The following MYH16 variants were observed in gnomAD, a reference collection of about 807,000 sequenced individuals.
MYH16 encodes putative uncharacterized protein MYH16.
At chr7:99,287,533 CAAA>C (rs397889162) in intron 28 of MYH16, among the ~76,000 whole-genome samples, 2 of 46,876 alleles carry the variant, frequency 4.3e-5, no homozygotes, top group Non-Finnish European at 9.4e-5. Flanking sequence ...AACTTCTTCT[CAAA>C]AAAAAAAAAA....
At chr7:99,288,250 T>G in intron 29 of MYH16, 113 bp downstream of exon 10, 1 of 404,118 alleles carries the variant, frequency 2.5e-6, no homozygotes, top group Non-Finnish European at 5.0e-6. Flanking sequence ...GGGACCAGCC[T>G]GGACAACATA....
exon 26 of MYH16, chr7:99,284,855 G>C (rs994453566): frequency 4.4e-5 from 20 of 456,570 alleles, no homozygotes; most frequent in Admixed American, 4.2e-4. Context: ...GAGGGATTTG[G>C]AAATAAACTC....
At chr7:99,293,922 A>G in intron 32 of MYH16, 96 bp from the exon 14 acceptor site, 1 of 361,238 alleles carries the variant, frequency 2.8e-6, no homozygotes, top group South Asian at 2.1e-5. Context: ...ACCAGAGCTT[A>G]GTACCATGCC....
intron 34 of MYH16, among the ~76,000 whole-genome samples, chr7:99,297,427 T>C (rs1405879287): frequency 6.6e-6 from 1 of 152,044 alleles, no homozygotes; most frequent in Non-Finnish European, 1.5e-5. Context: ...AGCAACACTA[T>C]GTCCCAAAAA....
chr7:99,296,112 A>G (rs9969386), intron 33 of MYH16, among the ~76,000 whole-genome samples: 1 of 146,836 alleles, frequency 6.8e-6, no homozygotes, highest in Non-Finnish European at 1.5e-5. Context: ...CCACTGCACT[A>G]CAGCCTGGGT....
At chr7:99,281,182 C>T (rs1792194848) in intron 23 of MYH16, among the ~76,000 whole-genome samples, 1 of 152,156 alleles carries the variant, frequency 6.6e-6, no homozygotes, top group South Asian at 2.1e-4. Context: ...GCCTTCCTTC[C>T]AAGTTTGTTA....
chr7:99,291,033 A>G (rs1320149148), intron 30 of MYH16: 1 of 175,420 alleles, frequency 5.7e-6, no homozygotes, highest in Non-Finnish European at 1.2e-5. Context: ...CTGTTTCTCC[A>G]AACTCTTCTG....
At chr7:99,246,045 C>T (rs1791724758) in intron 2 of MYH16, among the ~76,000 whole-genome samples, 1 of 151,640 alleles carries the variant, frequency 6.6e-6, no homozygotes, top group East Asian at 2.0e-4. Flanking sequence ...TCTACAAAAA[C>T]AATTTTTTAA....
chr7:99,270,323 A>AT (rs1181065806), intron 18 of MYH16, among the ~76,000 whole-genome samples: 1,864 of 136,298 alleles, frequency 0.014, 21 homozygotes, highest in Non-Finnish European at 0.021. Context: ...AGAAAAAAAA[A>AT]TTTTTTTTTT....
intron 9 of MYH16, among the ~76,000 whole-genome samples, chr7:99,256,275 CAAAAAAAAAAAAAAA>C (rs55894638): frequency 1.4e-5 from 1 of 71,036 alleles, no homozygotes; most frequent in Non-Finnish European, 2.7e-5. Flanking sequence ...CCCGTCTCTG[CAAAAAAAAAAAAAAA>C]AAAAAAAAAA....
chr7:99,279,187 T>C (rs2150819744), intron 21 of MYH16, among the ~76,000 whole-genome samples: 1 of 151,350 alleles, frequency 6.6e-6, no homozygotes, highest in East Asian at 2.0e-4. Context: ...TGAGACTCTG[T>C]CTCAAAAATA....
chr7:99,255,403 G>A (rs1791859047), intron 8 of MYH16, among the ~76,000 whole-genome samples: 1 of 151,278 alleles, frequency 6.6e-6, no homozygotes, highest in Admixed American at 6.6e-5. Flanking sequence ...AGCTATGATT[G>A]TGCCACCGTA....
chr7:99,239,135 C>A (rs527443552), intron 1 of MYH16: 1 of 152,536 alleles, frequency 6.6e-6, no homozygotes, highest in African/African-American at 2.4e-5. Context: ...GCAGAAAGAG[C>A]AGGTGCCTCC....
chr7:99,304,097 C>T (rs114263977), intron 39 of MYH16, among the ~76,000 whole-genome samples: 70 of 152,304 alleles, frequency 4.6e-4, no homozygotes, highest in African/African-American at 1.6e-3. Context: ...AGTTCAGGAA[C>T]ATTGCTGGTC....
intron 33 of MYH16, among the ~76,000 whole-genome samples, chr7:99,295,116 T>A: frequency 6.6e-6 from 1 of 151,976 alleles, no homozygotes; most frequent in Non-Finnish European, 1.5e-5. Flanking sequence ...CGGTGGCTCA[T>A]GCCTGTAATT....
At chr7:99,272,121 A>G (rs1340424318) in intron 19 of MYH16, among the ~76,000 whole-genome samples, 2 of 152,162 alleles carry the variant, frequency 1.3e-5, no homozygotes, top group African/African-American at 4.8e-5. Flanking sequence ...TTCCCTTCCT[A>G]GGTATTGGGT....
chr7:99,283,891 C>G (rs1055586270), exon 25 of MYH16: 1 of 455,970 alleles, frequency 2.2e-6, no homozygotes, highest in African/African-American at 2.0e-5. Flanking sequence ...TAACTGGGAG[C>G]AGGAAAAGAA....
chr7:99,294,565 A>ATT (rs1407260661), intron 33 of MYH16, among the ~76,000 whole-genome samples: 43 of 145,782 alleles, frequency 2.9e-4, no homozygotes, highest in Middle Eastern at 3.5e-3. Flanking sequence ...ATATATATAT[A>ATT]TATTTTTTTT....
intron 2 of MYH16, among the ~76,000 whole-genome samples, chr7:99,243,779 A>G (rs1245790438): frequency 6.6e-6 from 1 of 150,612 alleles, no homozygotes; most frequent in African/African-American, 2.5e-5. Context: ...CCATTCATCC[A>G]TCTATCCATT....
Sources: gnomAD v4.1 joint callset for allele counts (sites outside exome capture counted in the v4.1 genomes callset) on GRCh38, gnomAD v4.1.1 for gene constraint, MANE v1.5 for transcripts, NCBI Gene and HGNC (gene_info 2026-07-23, HGNC 2026-07-21) for gene names.